CDCA2: variants seen among roughly 807,000 people sequenced by gnomAD.
CDCA2 encodes cell division cycle-associated protein 2.
Under a neutral mutation model 67.0 loss-of-function variants are expected in CDCA2, and 44 were observed. The observed-to-expected ratio is 0.66, with a 90% CI of 0.52 to 0.84. CDCA2 has a LOEUF of 0.84. Ranked by LOEUF, CDCA2 falls within the 40% of genes least tolerant of loss-of-function variation. The pLI is 0.00. For missense variants in CDCA2, 1,253 were observed against 1,203.2 expected (o/e 1.04, Z -0.61); for synonymous variants, 447 against 418.7 (o/e 1.07, Z -0.82).
At chr8:25,487,155 G>A in intron 11 of CDCA2, 91 bp from the exon 12 acceptor site, 1 of 777,320 alleles carries the variant, frequency 1.3e-6, no homozygotes, top group Non-Finnish European at 2.2e-6. Context: ...GGTATTAAAG[G>A]TGGATATCCT....
At chr8:25,459,121 G>C (rs1189477171), upstream of CDCA2, 1 of 152,298 alleles carries the variant, frequency 6.6e-6, no homozygotes, top group Non-Finnish European at 1.5e-5. Flanking sequence ...GGAGCGCTCG[G>C]AGTGTGCGCG....
At chr8:25,470,766 C>CTT (rs34735007) in intron 7 of CDCA2, among the ~76,000 whole-genome samples, 79 of 145,372 alleles carry the variant, frequency 5.4e-4, no homozygotes, top group East Asian at 1.2e-3. Flanking sequence ...CTTTGTTTTT[C>CTT]TTTTTTTTTT....
At chr8:25,470,080 C>A in intron 7 of CDCA2, 100 bp downstream of exon 7, 2 of 787,040 alleles carry the variant, frequency 2.5e-6, no homozygotes, top group Non-Finnish European at 4.2e-6. Context: ...GAAATTGTTT[C>A]CTACTTTTTA....
rs754115130 is a variant in CDCA2 at position 25,483,945 on chromosome 8, T to A, written c.1121-21T>A. On this transcript the variant is annotated intron_variant, in intron 9 of 14. Transcript: ENST00000330560. ...ATATAGCTTAATTTTTAAGTTACTC[T>A]CATTTATTGTCTAATTATAGAAGAT... is the stretch of plus-strand genomic sequence containing the variant. The A allele has an allele frequency of 5.0e-6, 8 of 1,593,958 alleles. No individual in the cohort carries two copies. In the East Asian group the frequency reaches 1.8e-4, roughly 36 times the overall value.
chr8:25,506,630 A>T lies in CDCA2; in HGVS notation c.1964A>T (p.Asp655Val). 1 of 1,613,492 alleles carries T rather than the reference A, an allele frequency of 6.2e-7. No individual in the cohort carries two copies. The highest frequency in any genetic ancestry group is 8.5e-7 in the Non-Finnish European group (1 of 1,179,890). ...LHMHQGYDKY[D>V]VSEFCSYIKS... is the part of the protein sequence containing the mutation. Reference sequence around the variant, plus strand: ...ATGCATCAAGGCTATGATAAATATGATGTCTCTGAATTCTGCTCTTATATA... The same window carrying T: ...ATGCATCAAGGCTATGATAAATATGTTGTCTCTGAATTCTGCTCTTATATA... Residue 655 changes from aspartate to valine, a missense_variant, in exon 15 of 15, where the codon GAT becomes GTT. Transcript: ENST00000330560.
chr8:25,471,256 G>A (rs1194102835), intron 7 of CDCA2, among the ~76,000 whole-genome samples: 1 of 152,170 alleles, frequency 6.6e-6, no homozygotes, highest in African/African-American at 2.4e-5. Flanking sequence ...TTAATCATAA[G>A]ATAAATGGGT....
At chr8:25,491,581 T>G (rs1051799341) in intron 13 of CDCA2, among the ~76,000 whole-genome samples, 1 of 152,160 alleles carries the variant, frequency 6.6e-6, no homozygotes. Flanking sequence ...CAATTAAGTG[T>G]GAAGGAAAAA....
chr8:25,502,220 G>A (rs1268177361), intron 13 of CDCA2, among the ~76,000 whole-genome samples: 1 of 152,068 alleles, frequency 6.6e-6, no homozygotes, highest in Non-Finnish European at 1.5e-5. Flanking sequence ...TATGTTTTAT[G>A]TTGGCCCTAA....
At chr8:25,465,028 C>T (rs1023562547) in intron 4 of CDCA2, among the ~76,000 whole-genome samples, 2 of 152,162 alleles carry the variant, frequency 1.3e-5, no homozygotes, top group African/African-American at 4.8e-5. Context: ...GCCTGAAGTA[C>T]AGTGGCATGA....
chr8:25,480,987 A>G (rs960961395), intron 8 of CDCA2, among the ~76,000 whole-genome samples: 1 of 152,202 alleles, frequency 6.6e-6, no homozygotes, highest in African/African-American at 2.4e-5. Flanking sequence ...TTTTCAAACC[A>G]TAAGCATTTT....
At chr8:25,479,794 A>G (rs1370661774) in intron 7 of CDCA2, 119 bp from the exon 8 acceptor site, 1 of 867,212 alleles carries the variant, frequency 1.2e-6, no homozygotes, top group Non-Finnish European at 1.8e-6. Flanking sequence ...CAATCAGGTT[A>G]TATTAGGTTT....
Position 25,462,151 on chromosome 8 carries a change from G to A in CDCA2, c.330G>A (p.Arg110=), listed in dbSNP as rs1802719198. The A allele has an allele frequency of 6.2e-7, 1 of 1,614,156 alleles. No homozygotes were observed. Among genetic ancestry groups the A allele is most frequent in the Non-Finnish European group, 8.5e-7 (1 of 1,180,002 alleles). ...ACCATCTGATTCGTTTCATTGCTCG[G>A]CAGCAAAATATAAAGAATGCTAGGA... The part of the protein sequence containing the change: ...ETNHLIRFIA[R]QQNIKNARKS... The change falls in exon 4 of 15, where the codon CGG becomes CGA. Residue 110 remains arginine, a synonymous_variant. Coordinates refer to ENST00000330560, the MANE Select transcript of CDCA2 (RefSeq NM_152562.4).
At chr8:25,493,722 C>A (rs1488857461) in intron 13 of CDCA2, among the ~76,000 whole-genome samples, 1 of 152,172 alleles carries the variant, frequency 6.6e-6, no homozygotes, top group Non-Finnish European at 1.5e-5. Context: ...TGCCGTTTCT[C>A]ACCTTTTAGA....
chr8:25,484,616 G>C (rs1469774076), intron 10 of CDCA2, among the ~76,000 whole-genome samples: 2 of 145,402 alleles, frequency 1.4e-5, no homozygotes, highest in Non-Finnish European at 3.0e-5. Context: ...TTTTGAGATA[G>C]GGTCTTACTC....
chr8:25,507,155 G>C lies in CDCA2; in HGVS notation c.2489G>C (p.Arg830Thr). 6.2e-7 allele frequency: 1 copy of C among 1,614,184 alleles called. No individual in the cohort carries two copies. Among genetic ancestry groups the C allele is most frequent in the Non-Finnish European group, 8.5e-7 (1 of 1,180,018 alleles). Residue 830 changes from arginine (R) to threonine (T), a missense_variant, in exon 15 of 15, where the codon AGA becomes ACA. Physicochemically the swap from Arg to Thr is moderately conservative, Grantham distance 71. Transcript: ENST00000330560. Reference protein sequence around the residue: ...SVVSCRDRKDRRRSMCYSDGR... With the variant: ...SVVSCRDRKDTRRSMCYSDGR... ...GTGAGTTGCAGAGACAGGAAAGATAGAAGACGTTCCATGTGTTATTCTGAT... is the reference window on the plus strand; with the variant it reads ...GTGAGTTGCAGAGACAGGAAAGATACAAGACGTTCCATGTGTTATTCTGAT...
chr8:25,507,798 C>G lies in CDCA2; in HGVS notation c.*60C>G, dbSNP rs2117563042. ...AAGTAACCATCTATGCTGAAATGAT[C>G]TGTCTAGTTCCCATTCTCTGTTCAA... On this transcript the variant is annotated 3_prime_UTR_variant, in exon 15 of 15. Coordinates refer to ENST00000330560, the MANE Select transcript of CDCA2 (RefSeq NM_152562.4). 2 of 1,490,782 alleles carry G rather than the reference C, an allele frequency of 1.3e-6. No individual in the cohort carries two copies. The highest frequency in any genetic ancestry group is 4.6e-5 in the East Asian group (2 of 43,534). The allele number at this position is 1,490,782 out of a possible 1,614,324, so 92.3% of individuals were successfully genotyped here. A position where few individuals can be genotyped will look rare whatever the true frequency, so the allele number is the denominator to read the frequency against.
chr8:25,487,884 T>G (rs1278129743), intron 12 of CDCA2, among the ~76,000 whole-genome samples: 4 of 152,180 alleles, frequency 2.6e-5, no homozygotes, highest in Admixed American at 2.6e-4. Flanking sequence ...CAAAATTTGT[T>G]TGGGATCTAT....
At chr8:25,500,405 G>A (rs1804426174) in intron 13 of CDCA2, among the ~76,000 whole-genome samples, 1 of 152,112 alleles carries the variant, frequency 6.6e-6, no homozygotes, top group African/African-American at 2.4e-5. Context: ...AGTATATGAA[G>A]TAATGGATAT....
intron 6 of CDCA2, among the ~76,000 whole-genome samples, chr8:25,468,890 T>C (rs987411762): frequency 2.6e-5 from 4 of 152,178 alleles, no homozygotes; most frequent in African/African-American, 4.8e-5. Flanking sequence ...ACTGCTTTCC[T>C]TCTGATGGAA....
Sources: allele counts gnomAD v4.1 joint callset (sites outside exome capture counted in the v4.1 genomes callset), GRCh38; gene constraint gnomAD v4.1.1; transcripts MANE v1.5; gene names NCBI Gene and HGNC (gene_info 2026-07-23, HGNC 2026-07-21).